The following NUCKS1 variants were observed in gnomAD, a reference collection of about 807,000 sequenced individuals.
The protein encoded by NUCKS1 is nuclear ubiquitous casein and cyclin-dependent kinase substrate 1.
NUCKS1 carries 2 observed loss-of-function variants against 33.0 expected under a neutral mutation model. The observed-to-expected ratio is 0.06, with a 90% CI of 0.02 to 0.19. The LOEUF (loss-of-function observed/expected upper bound fraction) is 0.19, where lower values mean the gene tolerates loss of function less well. Ranked by LOEUF, NUCKS1 falls within the 10% of genes least tolerant of loss-of-function variation. The probability of loss-of-function intolerance (pLI) is 1.00; values close to 1 mark genes in which losing one functional copy is unlikely to be tolerated. For synonymous variants in NUCKS1, 106 were observed against 102.8 expected, an observed-to-expected ratio of 1.03 and a Z score of -0.19; for missense variants, 201 against 293.6, an observed-to-expected ratio of 0.68 and a Z score of 2.31.
At chr1:205,741,607 T>C (rs1654177664) in intron 1 of NUCKS1, among the ~76,000 whole-genome samples, 1 of 152,242 alleles carries the variant, frequency 6.6e-6, no homozygotes, top group Admixed American at 6.5e-5. Flanking sequence ...ATTGACTGAA[T>C]ACAATGAAGG....
chr1:205,728,730 G>A (rs1653835938), intron 2 of NUCKS1, among the ~76,000 whole-genome samples: 1 of 152,138 alleles, frequency 6.6e-6, no homozygotes, highest in African/African-American at 2.4e-5. Flanking sequence ...GGAAAGTAAT[G>A]AGATTAAGGA....
At chr1:205,749,543 C>T (rs1338292324) in intron 1 of NUCKS1, among the ~76,000 whole-genome samples, 1 of 151,872 alleles carries the variant, frequency 6.6e-6, no homozygotes, top group Non-Finnish European at 1.5e-5. Flanking sequence ...CGCCCCTCCT[C>T]GCTGAAGGTG....
At chr1:205,722,918 G>A (rs138589079) in intron 4 of NUCKS1, among the ~76,000 whole-genome samples, 45 of 152,260 alleles carry the variant, frequency 3.0e-4, no homozygotes, top group African/African-American at 9.4e-4. Flanking sequence ...AAGCTGACAT[G>A]GCCGACCCAA....
At position 205,723,951 on chromosome 1, in the gene NUCKS1, G is replaced by C. The variant is rs1671962784; in HGVS notation, c.204C>G (p.Thr68=). 5 of 1,611,754 alleles carry C rather than the reference G, an allele frequency of 3.1e-6. No homozygotes were observed. The highest frequency in any genetic ancestry group is 4.2e-6 in the Non-Finnish European group (5 of 1,178,276). The stretch of plus-strand genomic sequence containing the variant: ...CTGCTGAGTGAGAATCATCCTTCTT[G>C]GTCTTCACATCTTTGTCTTCTGAGT... ...SEDSEDKDVK[T]KKDDSHSAED... is the part of the protein sequence containing the mutation. The change falls in exon 4 of 7, where the codon ACC becomes ACG. Residue 68 remains threonine, a synonymous_variant. Coordinates refer to ENST00000367142, the MANE Select transcript of NUCKS1 (RefSeq NM_022731.5).
intron 1 of NUCKS1, among the ~76,000 whole-genome samples, chr1:205,749,411 C>T (rs1230152385): frequency 6.6e-6 from 1 of 152,222 alleles, no homozygotes; most frequent in African/African-American, 2.4e-5. Context: ...AGGACAGAGG[C>T]GGGGCCGGTT....
At chr1:205,731,328 AT>A (rs904444686) in intron 1 of NUCKS1, 3 of 152,380 alleles carry the variant, frequency 2.0e-5, no homozygotes, top group Non-Finnish European at 4.4e-5. Context: ...CTATTACAAA[AT>A]CAAAACAGTG....
At chr1:205,734,346 C>T (rs902440499) in intron 1 of NUCKS1, among the ~76,000 whole-genome samples, 7 of 151,716 alleles carry the variant, frequency 4.6e-5, no homozygotes, top group Admixed American at 1.3e-4. Context: ...CTATCCCTTC[C>T]GTTGAAATAT....
At chr1:205,730,520 G>A (rs558405379) in intron 1 of NUCKS1, among the ~76,000 whole-genome samples, 11 of 139,246 alleles carry the variant, frequency 7.9e-5, no homozygotes, top group Non-Finnish European at 1.7e-4. Context: ...ATGAAGTCTT[G>A]CCCTGTCGCC....
In NUCKS1 at chr1:205,750,170, C is replaced by T; in HGVS notation, c.-197G>A. 1.6e-6 allele frequency: 1 copy of T among 617,928 alleles called. No individual in the cohort carries two copies. The highest frequency in any genetic ancestry group is 2.9e-6 in the Non-Finnish European group (1 of 347,902). 38.3% of individuals were successfully genotyped at this position (617,928 alleles called of 1,614,324 possible). On this transcript the variant is annotated 5_prime_UTR_variant, in exon 1 of 7. Coordinates refer to ENST00000367142, the MANE Select transcript of NUCKS1 (RefSeq NM_022731.5). ...AGACGAGCCCCCCGCTCCCCCGTCTCTTCAAAATGGATGAATCAAACCAGC... is the reference window on the plus strand; with the variant it reads ...AGACGAGCCCCCCGCTCCCCCGTCTTTTCAAAATGGATGAATCAAACCAGC...
intron 1 of NUCKS1, among the ~76,000 whole-genome samples, chr1:205,748,370 A>G (rs1256914449): frequency 6.6e-6 from 1 of 152,236 alleles, no homozygotes; most frequent in Non-Finnish European, 1.5e-5. Flanking sequence ...TTACTTCCAG[A>G]AGACAAAAGA....
intron 1 of NUCKS1, among the ~76,000 whole-genome samples, chr1:205,739,391 A>G (rs1654109452): frequency 1.3e-5 from 2 of 152,246 alleles, no homozygotes; most frequent in South Asian, 4.1e-4. Context: ...TCCTGCCTCA[A>G]AGATGATTAA....
chr1:205,731,889 C>A (rs1653921836), intron 1 of NUCKS1, among the ~76,000 whole-genome samples: 1 of 146,628 alleles, frequency 6.8e-6, no homozygotes. Context: ...GAGAGAGACT[C>A]CGTCTCAAAA....
intron 1 of NUCKS1, among the ~76,000 whole-genome samples, chr1:205,735,684 T>C (rs939515173): frequency 3.9e-5 from 6 of 152,332 alleles, no homozygotes; most frequent in Admixed American, 3.3e-4. Flanking sequence ...GTTACAGGAA[T>C]AACAAGAGTG....
intron 1 of NUCKS1, among the ~76,000 whole-genome samples, chr1:205,741,974 T>A (rs563214458): frequency 6.6e-6 from 1 of 152,328 alleles, no homozygotes; most frequent in Non-Finnish European, 1.5e-5. Flanking sequence ...AGTCTCTGAT[T>A]TTATAGAACC....
In NUCKS1 at chr1:205,732,736, G is replaced by A. The variant is rs140042655; in HGVS notation, c.18-3115C>T. 5.4e-3 allele frequency among the ~76,000 whole-genome samples: 672 copies of A among 123,902 alleles called. 4 individuals are homozygous for A. Among genetic ancestry groups the A allele is most frequent in the African/African-American group, 0.019 (623 of 32,528 alleles). 81.3% of individuals were successfully genotyped at this position (123,902 alleles called of 152,430 possible). A position where few individuals can be genotyped will look rare whatever the true frequency, so the allele number is the denominator to read the frequency against. On this transcript the variant is annotated intron_variant, in intron 1 of 6. Coordinates refer to ENST00000367142, the MANE Select transcript of NUCKS1 (RefSeq NM_022731.5). ...ACAGAGGTTGCAGTGAGCAGGGATCGCACCACTGCACTCCAGCCTGGCAAC... is the reference window on the plus strand; with the variant it reads ...ACAGAGGTTGCAGTGAGCAGGGATCACACCACTGCACTCCAGCCTGGCAAC...
At chr1:205,742,864 A>G (rs1654215049) in intron 1 of NUCKS1, among the ~76,000 whole-genome samples, 1 of 152,132 alleles carries the variant, frequency 6.6e-6, no homozygotes, top group African/African-American at 2.4e-5. Flanking sequence ...CAAATAAATA[A>G]AAGGTTTCCT....
In NUCKS1 at chr1:205,724,057, T is replaced by C. The variant is rs1571572868; in HGVS notation, c.174-76A>G. 10 of 1,079,016 alleles carry C rather than the reference T, an allele frequency of 9.3e-6. No individual in the cohort carries two copies. In the East Asian group the frequency reaches 2.4e-4, roughly 25 times the overall value. The allele number at this position is 1,079,016 out of a possible 1,614,324, so 66.8% of individuals were successfully genotyped here. A position where few individuals can be genotyped will look rare whatever the true frequency, so the allele number is the denominator to read the frequency against. On this transcript the variant is annotated intron_variant, in intron 3 of 6. Coordinates refer to ENST00000367142, the MANE Select transcript of NUCKS1 (RefSeq NM_022731.5). The stretch of plus-strand genomic sequence containing the variant: ...TAAGTGAACATAGATCTCTGATTTC[T>C]GACTTGAGAAGAAGTGAAAAATACC...
At chr1:205,724,494 G>C (rs1034714280) in intron 3 of NUCKS1, among the ~76,000 whole-genome samples, 2 of 152,174 alleles carry the variant, frequency 1.3e-5, no homozygotes, top group African/African-American at 2.4e-5. Flanking sequence ...AGGAGTTCAA[G>C]ACCAGCCTGG....
chr1:205,715,546 A>C lies in NUCKS1; in HGVS notation c.*2734T>G, dbSNP rs953554114. The C allele has an allele frequency of 6.6e-6, 1 of 152,262 alleles. No homozygotes were observed. The highest frequency in any genetic ancestry group is 1.9e-4 in the East Asian group (1 of 5,198). 9.4% of individuals were successfully genotyped at this position (152,262 alleles called of 1,614,324 possible). A position where few individuals can be genotyped will look rare whatever the true frequency, so the allele number is the denominator to read the frequency against. On this transcript the variant is annotated 3_prime_UTR_variant, in exon 7 of 7. Transcript: ENST00000367142. ...CTAAAAGCAGCAGCAGGTTACAGAA[A>C]GACTGAATAAGATGAAAGTATGCTA...
Sources: allele counts gnomAD v4.1 joint callset (sites outside exome capture counted in the v4.1 genomes callset), GRCh38; gene constraint gnomAD v4.1.1; transcripts MANE v1.5; gene names NCBI Gene and HGNC (gene_info 2026-07-23, HGNC 2026-07-21).